The following DHTKD1 variants were observed in gnomAD, a reference collection of about 807,000 sequenced individuals.
DHTKD1 encodes the protein 2-oxoadipate dehydrogenase complex component E1.
In DHTKD1, 78 loss-of-function variants were observed where a neutral mutation model predicts 101.8. The observed-to-expected ratio is 0.77, with a 90% CI of 0.64 to 0.93. DHTKD1 has a LOEUF of 0.93. Among genes scored for constraint, DHTKD1 ranks in the 40% least tolerant of loss-of-function variants. DHTKD1 has a pLI of 0.00. For missense variants in DHTKD1, 1,223 were observed against 1,161.7 expected (o/e 1.05, Z -0.77); for synonymous variants, 462 against 450.3 (o/e 1.03, Z -0.33).
chr10:12,080,318 A>T (rs914937357), intron 1 of DHTKD1, among the ~76,000 whole-genome samples: 5 of 151,164 alleles, frequency 3.3e-5, no homozygotes, highest in African/African-American at 1.2e-4. Flanking sequence ...AAAAAAAAAA[A>T]AGTTGTGCTT....
At chr10:12,076,293 CG>C (rs567931355) in intron 1 of DHTKD1, among the ~76,000 whole-genome samples, 73 of 152,296 alleles carry the variant, frequency 4.8e-4, no homozygotes, top group Non-Finnish European at 8.7e-4. Flanking sequence ...CTGGCTAACA[CG>C]GTGAAACCCC....
In DHTKD1 at chr10:12,076,693, G is replaced by C. The variant is rs574713202; in HGVS notation, c.155-4779G>C. 9.2e-5 allele frequency among the ~76,000 whole-genome samples: 14 copies of C among 152,020 alleles called. No individual in the cohort carries two copies. In the South Asian group the frequency reaches 1.0e-3, roughly 11 times the overall value. Reference sequence around the variant, plus strand: ...TTTTTTCTCGGGACGGAGTTTTGCTGTGTCGCCCAGGCTGGAGCGCGGTGA... The same window carrying C: ...TTTTTTCTCGGGACGGAGTTTTGCTCTGTCGCCCAGGCTGGAGCGCGGTGA... On this transcript the variant is annotated intron_variant, in intron 1 of 16. Transcript: ENST00000263035.
At position 12,094,256 on chromosome 10, in the gene DHTKD1, T is replaced by C. The variant is rs1283129840; in HGVS notation, c.1343T>C (p.Met448Thr). 1 of 1,614,174 alleles carries C rather than the reference T, an allele frequency of 6.2e-7. No homozygotes were observed. The highest frequency in any genetic ancestry group is 1.7e-5 in the Admixed American group (1 of 60,008). ...GAGCCATTCTACACCAACCCCATCATGTACAAAATCATCAGGTACAATTAT... is the reference window on the plus strand; with the variant it reads ...GAGCCATTCTACACCAACCCCATCACGTACAAAATCATCAGGTACAATTAT... Reference protein sequence around the residue: ...LDEPFYTNPIMYKIIRARKSI... With the variant: ...LDEPFYTNPITYKIIRARKSI... The change falls in exon 7 of 17, where the codon ATG becomes ACG. Residue 448 changes from methionine (M) to threonine (T), a missense_variant. Transcript: ENST00000263035.
chr10:12,118,892 A>G lies in DHTKD1; in HGVS notation c.2546A>G (p.Glu849Gly). 6.3e-7 allele frequency: 1 copy of G among 1,592,838 alleles called. No individual in the cohort carries two copies. The highest frequency in any genetic ancestry group is 8.5e-7 in the Non-Finnish European group (1 of 1,170,676). Residue 849 changes from glutamate to glycine, a missense_variant, in exon 15 of 17, where the codon GAG (glutamate) becomes GGG (glycine). Coordinates refer to ENST00000263035, the MANE Select transcript of DHTKD1 (RefSeq NM_018706.7). Reference sequence around the variant, plus strand: ...TTCCCGTTGGATTCTTTACAGCAAGAGATGAGCAAATACAAACATGTTAAA... The same window carrying G: ...TTCCCGTTGGATTCTTTACAGCAAGGGATGAGCAAATACAAACATGTTAAA... Reference protein sequence around the residue: ...CPFPLDSLQQEMSKYKHVKDH... With the variant: ...CPFPLDSLQQGMSKYKHVKDH...
chr10:12,116,415 A>G (rs959966226), intron 13 of DHTKD1: 14 of 149,996 alleles, frequency 9.3e-5, no homozygotes, highest in African/African-American at 3.4e-4. Flanking sequence ...TTTTCTTGAG[A>G]TGGAGTTTCC....
In DHTKD1 at chr10:12,122,603, G is replaced by A. The variant is rs1481033707; in HGVS notation, c.*1715G>A. On this transcript the variant is annotated 3_prime_UTR_variant, in exon 17 of 17. Coordinates refer to ENST00000263035, the MANE Select transcript of DHTKD1 (RefSeq NM_018706.7). The stretch of plus-strand genomic sequence containing the variant: ...ACTGCACTCCAGTCTGGGTGACAGA[G>A]CAAGACTCCATCTCAAAAAATAAAT... The A allele has an allele frequency of 1.3e-5, 2 of 151,924 alleles. No individual in the cohort carries two copies. The highest frequency in any genetic ancestry group is 4.8e-5 in the African/African-American group (2 of 41,340). 9.4% of individuals were successfully genotyped at this position (151,924 alleles called of 1,614,324 possible). A position where few individuals can be genotyped will look rare whatever the true frequency, so the allele number is the denominator to read the frequency against.
rs1287157433 is a variant in DHTKD1, at chr10:12,120,735, A to G, written c.2659-52A>G. 6.1e-6 allele frequency: 9 copies of G among 1,469,538 alleles called. No homozygotes were observed. In the East Asian group the frequency reaches 1.8e-4, roughly 30 times the overall value. The allele number at this position is 1,469,538 out of a possible 1,614,324, so 91.0% of individuals were successfully genotyped here. ...GCACTGTCTTGTTGGAACTAAGCAG[A>G]GCTCTGATCTAGTCAAAATGTCATT... On this transcript the variant is annotated intron_variant, in intron 16 of 16. Transcript: ENST00000263035.
intron 2 of DHTKD1, among the ~76,000 whole-genome samples, chr10:12,083,950 C>G (rs773025297): frequency 6.6e-6 from 1 of 151,526 alleles, no homozygotes; most frequent in Admixed American, 6.6e-5. Context: ...TGGGACAGAG[C>G]CTTGCTCTGT....
In DHTKD1 at chr10:12,118,736, T is replaced by A; in HGVS notation, c.2403-13T>A. The A allele has an allele frequency of 6.7e-7, 1 of 1,492,432 alleles. No individual in the cohort carries two copies. The allele number at this position is 1,492,432 out of a possible 1,614,324, so 92.4% of individuals were successfully genotyped here. A position where few individuals can be genotyped will look rare whatever the true frequency, so the allele number is the denominator to read the frequency against. On this transcript the variant is annotated splice_polypyrimidine_tract_variant and intron_variant, in intron 14 of 16. Transcript: ENST00000263035. ...TTTCTCCCCCACCCTATTGTTCCTT[T>A]TCTGTCCAACAGGGTTAAGACCCTC... is the stretch of plus-strand genomic sequence containing the variant.
At chr10:12,095,626 A>T (rs1227695947) in intron 7 of DHTKD1, among the ~76,000 whole-genome samples, 2 of 151,988 alleles carry the variant, frequency 1.3e-5, no homozygotes, top group African/African-American at 4.8e-5. Context: ...ATCCTGACTA[A>T]CACGGTGAAA....
chr10:12,074,005 C>G (rs1832687551), intron 1 of DHTKD1, among the ~76,000 whole-genome samples: 7 of 152,184 alleles, frequency 4.6e-5, no homozygotes, highest in Admixed American at 3.3e-4. Flanking sequence ...GTTGTTTTCT[C>G]TATTCTCTCT....
At chr10:12,104,256 G>A (rs1833213861) in intron 10 of DHTKD1, among the ~76,000 whole-genome samples, 1 of 152,086 alleles carries the variant, frequency 6.6e-6, no homozygotes, top group South Asian at 2.1e-4. Context: ...TCGGCTCACT[G>A]CAACCTCAGA....
chr10:12,092,558 C>T (rs2131361371), intron 6 of DHTKD1, among the ~76,000 whole-genome samples: 1 of 152,036 alleles, frequency 6.6e-6, no homozygotes, highest in East Asian at 2.0e-4. Context: ...AATCCCAGCA[C>T]TTTGGGAGGC....
chr10:12,078,318 C>T (rs529476022), intron 1 of DHTKD1, among the ~76,000 whole-genome samples: 3 of 151,870 alleles, frequency 2.0e-5, no homozygotes, highest in South Asian at 2.1e-4. Flanking sequence ...CCAGCTACTC[C>T]GGAGACTGAG....
intron 2 of DHTKD1, among the ~76,000 whole-genome samples, chr10:12,082,874 T>C (rs1471807810): frequency 5.3e-5 from 8 of 152,126 alleles, no homozygotes; most frequent in Admixed American, 5.2e-4. Context: ...CGGTGGCTCA[T>C]GCTGGTAATC....
intron 10 of DHTKD1, among the ~76,000 whole-genome samples, chr10:12,102,295 G>A (rs137909428): frequency 0.024 from 3,638 of 151,670 alleles, 137 homozygotes; most frequent in African/African-American, 0.083. Context: ...GTGGTGGCAT[G>A]CATCTGTAGT....
At chr10:12,092,633 G>A (rs1386201251) in intron 6 of DHTKD1, among the ~76,000 whole-genome samples, 2 of 151,748 alleles carry the variant, frequency 1.3e-5, no homozygotes, top group Admixed American at 6.6e-5. Context: ...GAGAAACCCC[G>A]TCTCTAATAA....
intron 10 of DHTKD1, among the ~76,000 whole-genome samples, chr10:12,104,898 A>T (rs1179357257): frequency 1.3e-5 from 2 of 150,022 alleles, no homozygotes; most frequent in Non-Finnish European, 3.0e-5. Context: ...TTTTTTAGGC[A>T]GAGTCTCACT....
rs776055556 is a variant in DHTKD1 at position 12,118,847 on chromosome 10, G to A, written c.2501G>A (p.Arg834Gln). 8.1e-6 allele frequency: 13 copies of A among 1,608,522 alleles called. No homozygotes were observed. In the East Asian group the frequency reaches 2.0e-4, roughly 25 times the overall value. ...AAGAAGCATGACTTTGCCATCATCC[G>A]AGTAGAGGAACTCTGCCCCTTCCCG... ...GAKKHDFAII[R>Q]VEELCPFPLD... The change falls in exon 15 of 17, where the codon CGA becomes CAA. Residue 834 changes from arginine to glutamine, a missense_variant. Coordinates refer to ENST00000263035, the MANE Select transcript of DHTKD1 (RefSeq NM_018706.7).
Sources: allele counts gnomAD v4.1 joint callset (sites outside exome capture counted in the v4.1 genomes callset), GRCh38; gene constraint gnomAD v4.1.1; transcripts MANE v1.5; gene names NCBI Gene and HGNC (gene_info 2026-07-23, HGNC 2026-07-21).